The following AOPEP variants were observed in gnomAD, a reference collection of about 807,000 sequenced individuals.
AOPEP encodes aminopeptidase O (putative).
In AOPEP, 77 loss-of-function variants were observed where a neutral mutation model predicts 98.1. That is an observed-to-expected ratio of 0.78 (90% CI 0.65 to 0.95). The LOEUF (loss-of-function observed/expected upper bound fraction) is 0.95. Ranked by LOEUF, AOPEP falls within the 40% of genes least tolerant of loss-of-function variation. The probability of loss-of-function intolerance (pLI) is 0.00; values close to 1 mark genes in which losing one functional copy is unlikely to be tolerated. For missense variants in AOPEP, 1,024 were observed against 1,024.7 expected (o/e 1.00, Z 0.01); for synonymous variants, 346 against 365.3 (o/e 0.95, Z 0.60).
chr9:94,731,199 T>A (rs543639418), intron 1 of AOPEP, among the ~76,000 whole-genome samples: 2 of 152,304 alleles, frequency 1.3e-5, no homozygotes, highest in East Asian at 3.9e-4. Context: ...TCTCTTGTAG[T>A]GTTTTAACAA....
At chr9:95,118,698 C>T in the AOPEP span, among the ~76,000 whole-genome samples, 1 of 152,158 alleles carries the variant, frequency 6.6e-6, no homozygotes, top group Non-Finnish European at 1.5e-5. Flanking sequence ...TTCTTGGGCT[C>T]AACATATTTT....
chr9:95,005,958 C>A (rs1265461534), intron 13 of AOPEP: 5 of 489,680 alleles, frequency 1.0e-5, no homozygotes, highest in African/African-American at 7.9e-5. Context: ...GAATAAATCG[C>A]CCACAGTATT....
intron 5 of AOPEP, among the ~76,000 whole-genome samples, chr9:94,892,594 C>T (rs2048998267): frequency 6.6e-6 from 1 of 152,168 alleles, no homozygotes; most frequent in Admixed American, 6.5e-5. Context: ...GAGATGGCCT[C>T]ATTTGGAGGG....
At chr9:94,730,890 G>T (rs1399233991) in intron 1 of AOPEP, among the ~76,000 whole-genome samples, 1 of 152,126 alleles carries the variant, frequency 6.6e-6, no homozygotes, top group Non-Finnish European at 1.5e-5. Context: ...TGTACACTGA[G>T]AAATTTATAT....
the AOPEP span, among the ~76,000 whole-genome samples, chr9:95,149,597 G>GC: frequency 6.6e-6 from 1 of 151,798 alleles, no homozygotes; most frequent in Non-Finnish European, 1.5e-5. Context: ...TCCTGACTCA[G>GC]CCCCCCTAGT....
intron 13 of AOPEP, among the ~76,000 whole-genome samples, chr9:95,047,845 G>C (rs1017742675): frequency 1.3e-5 from 2 of 152,198 alleles, no homozygotes; most frequent in Admixed American, 6.5e-5. Context: ...CATTAAAGCT[G>C]TCCTTGCATA....
chr9:95,081,191 C>T (rs541287372), intron 15 of AOPEP, among the ~76,000 whole-genome samples: 5 of 152,330 alleles, frequency 3.3e-5, no homozygotes, highest in East Asian at 3.9e-4. Flanking sequence ...CTGCACCTGC[C>T]GTGCTGTGCT....
chr9:94,832,213 C>T (rs932028604), intron 5 of AOPEP, among the ~76,000 whole-genome samples: 5 of 151,882 alleles, frequency 3.3e-5, no homozygotes, highest in African/African-American at 1.2e-4. Flanking sequence ...CTTCTGAAAA[C>T]AGAATAGAAA....
At chr9:95,080,088 T>C (rs959788455) in intron 14 of AOPEP, among the ~76,000 whole-genome samples, 11 of 152,254 alleles carry the variant, frequency 7.2e-5, no homozygotes, top group South Asian at 2.1e-4. Context: ...CTGGTCGGAA[T>C]GTGCATTGAA....
chr9:95,073,390 G>A (rs1170483856), intron 14 of AOPEP, among the ~76,000 whole-genome samples: 1 of 152,022 alleles, frequency 6.6e-6, no homozygotes, highest in Non-Finnish European at 1.5e-5. Flanking sequence ...TTTTCACACT[G>A]TCCGGGAGTC....
intron 1 of AOPEP, among the ~76,000 whole-genome samples, chr9:94,755,791 A>G (rs891971738): frequency 2.5e-4 from 38 of 152,260 alleles, no homozygotes; most frequent in Middle Eastern, 3.2e-3. Flanking sequence ...AGTGGCAAAC[A>G]AAAAGAAATG....
intron 5 of AOPEP, among the ~76,000 whole-genome samples, chr9:94,821,970 A>AACACACACACACACACACACACAC (rs34645632): frequency 1.4e-5 from 2 of 141,360 alleles, no homozygotes; most frequent in Non-Finnish European, 3.1e-5. Context: ...TGTGTGTGTA[A>AACACACACACACACACACACACAC]ACACACACAC....
intron 13 of AOPEP, among the ~76,000 whole-genome samples, chr9:95,043,070 C>T (rs973178259): frequency 4.0e-5 from 6 of 151,622 alleles, no homozygotes; most frequent in South Asian, 2.1e-4. Flanking sequence ...CCCAGGAGTT[C>T]GAGATCGGCC....
At chr9:95,122,287 AAC>A in the AOPEP span, among the ~76,000 whole-genome samples, 4 of 152,214 alleles carry the variant, frequency 2.6e-5, no homozygotes, top group African/African-American at 4.8e-5. Context: ...TAATGAATAA[AAC>A]ACAGAGAGAA....
At chr9:94,983,864 C>T (rs545225767) in intron 11 of AOPEP, among the ~76,000 whole-genome samples, 4 of 149,530 alleles carry the variant, frequency 2.7e-5, no homozygotes, top group African/African-American at 7.4e-5. Flanking sequence ...CCCCCTCCCC[C>T]GGAAACAAGG....
chr9:94,829,229 C>G (rs1387341127), intron 5 of AOPEP, among the ~76,000 whole-genome samples: 1 of 152,056 alleles, frequency 6.6e-6, no homozygotes, highest in Non-Finnish European at 1.5e-5. Flanking sequence ...CGCACACACA[C>G]ACATAATTAC....
chr9:94,905,891 G>C (rs1019293636), intron 5 of AOPEP, among the ~76,000 whole-genome samples: 4 of 152,184 alleles, frequency 2.6e-5, no homozygotes, highest in Non-Finnish European at 5.9e-5. Flanking sequence ...AAGGGGCTGG[G>C]GGGAGGGGGC....
intron 3 of AOPEP, among the ~76,000 whole-genome samples, chr9:94,783,187 AG>A (rs1209754210): frequency 6.6e-6 from 1 of 152,216 alleles, no homozygotes; most frequent in African/African-American, 2.4e-5. Flanking sequence ...GTATCCCGTT[AG>A]CCAACAAGGA....
chr9:94,852,803 G>A (rs1266537257), intron 5 of AOPEP, among the ~76,000 whole-genome samples: 1 of 152,186 alleles, frequency 6.6e-6, no homozygotes, highest in African/African-American at 2.4e-5. Flanking sequence ...TTATATATAT[G>A]CCAAAAAGAG....
Sources: allele counts gnomAD v4.1 joint callset (sites outside exome capture counted in the v4.1 genomes callset), GRCh38; gene constraint gnomAD v4.1.1; transcripts MANE v1.5; gene names NCBI Gene and HGNC (gene_info 2026-07-23, HGNC 2026-07-21).